COL9A3: variants seen among roughly 807,000 people sequenced by gnomAD.
COL9A3 encodes the protein collagen alpha-3(IX) chain.
In COL9A3, 82 loss-of-function variants were observed where a neutral mutation model predicts 110.2. The observed-to-expected ratio is 0.74, with a 90% CI of 0.62 to 0.89. COL9A3 has a LOEUF of 0.89. Among genes scored for constraint, COL9A3 ranks in the 40% least tolerant of loss-of-function variants. The pLI is 0.00. For synonymous variants in COL9A3, 494 were observed against 403.8 expected, an observed-to-expected ratio of 1.22 and a Z score of -2.68; for missense variants, 1,066 against 981.3, an observed-to-expected ratio of 1.09 and a Z score of -1.15.
At chr20:62,829,359 T>G in intron 19 of COL9A3, 96 bp from the exon 20 acceptor site, 1 of 1,526,702 alleles carries the variant, frequency 6.6e-7, no homozygotes. Flanking sequence ...GTGCACTCAC[T>G]CTGGCCCCTG....
At chr20:62,821,290 C>A in intron 6 of COL9A3, 74 bp downstream of exon 6, 1 of 1,503,238 alleles carries the variant, frequency 6.7e-7, no homozygotes, top group Non-Finnish European at 9.2e-7. Context: ...AATGGGGTGG[C>A]CTCCAGGAAT....
chr20:62,839,209 C>CG lies in COL9A3; in HGVS notation c.1864+449dup, dbSNP rs766471426. On this transcript the variant is annotated intron_variant, in intron 31 of 31. Coordinates refer to ENST00000649368, the MANE Select transcript of COL9A3 (RefSeq NM_001853.4). The stretch of plus-strand genomic sequence containing the variant: ...ATGGCGCCACTGCCTTCCAGCCTGG[C>CG]GACAGAGCGAGACTCCATCTCAAAA... 2.7e-5 allele frequency among the ~76,000 whole-genome samples: 4 copies of CG among 149,516 alleles called. No individual in the cohort carries two copies. The South Asian group carries it at 6.4e-4, about 24-fold the overall frequency.
At chr20:62,821,090 G>C in intron 5 of COL9A3, 91 bp from the exon 6 acceptor site, 1 of 1,319,220 alleles carries the variant, frequency 7.6e-7, no homozygotes, top group South Asian at 1.2e-5. Context: ...TGTCCTGGGA[G>C]TTGGAGTTGT....
chr20:62,819,386 G>A, intron 4 of COL9A3, 93 bp downstream of exon 4: 1 of 1,259,014 alleles, frequency 7.9e-7, no homozygotes, highest in South Asian at 1.3e-5. Context: ...AGCTGGGCCT[G>A]CTCAGGCGGG....
upstream of COL9A3, among the ~76,000 whole-genome samples, chr20:62,816,504 G>A (rs757967498): frequency 3.7e-4 from 56 of 152,216 alleles, no homozygotes; most frequent in Non-Finnish European, 7.9e-4. Flanking sequence ...CCGCGGTGGG[G>A]GTGCTCCCAG....
rs540227252 is a variant in COL9A3 at position 62,837,537 on chromosome 20, G to A, written c.1786+272G>A. ...TTAAAATGTGACGAAGGCTGGGCGC[G>A]GTGGCTCACGCCTGTAATCCCAACA... On this transcript the variant is annotated intron_variant, in intron 30 of 31. Coordinates refer to ENST00000649368, the MANE Select transcript of COL9A3 (RefSeq NM_001853.4). Among the ~76,000 whole-genome samples the A allele has an allele frequency of 6.3e-4, 96 of 152,326 alleles. 1 individual carries two copies. The highest frequency in any genetic ancestry group is 1.8e-3 in the African/African-American group (74 of 41,556).
intron 10 of COL9A3, among the ~76,000 whole-genome samples, chr20:62,823,573 G>A (rs2063527374): frequency 6.6e-6 from 1 of 152,222 alleles, no homozygotes; most frequent in African/African-American, 2.4e-5. Context: ...GAGGCTTTAG[G>A]GAACCTTCCA....
chr20:62,834,850 G>A (rs1407579945), intron 26 of COL9A3, among the ~76,000 whole-genome samples: 4 of 152,012 alleles, frequency 2.6e-5, no homozygotes, highest in African/African-American at 4.8e-5. Context: ...CATGTTGGCC[G>A]GGCTGGTCTC....
At chr20:62,833,666 G>A (rs1191435855) in intron 26 of COL9A3, among the ~76,000 whole-genome samples, 3 of 151,784 alleles carry the variant, frequency 2.0e-5, no homozygotes, top group African/African-American at 7.3e-5. Flanking sequence ...GTCTCTCAAA[G>A]TGCTGGGATT....
In COL9A3 at chr20:62,836,279, G is replaced by A; in HGVS notation, c.1494G>A (p.Leu498=). The part of the protein sequence containing the change: ...VQGVPGPPGP[L]GLQGVPGVPG... The stretch of plus-strand genomic sequence containing the variant: ...GTGTCCCCGGGCCCCCCGGTCCTCT[G>A]GGCCTGCAGGGCGTCCCGGGTGTTC... The change falls in exon 28 of 32, where the codon CTG becomes CTA. Residue 498 remains leucine (L), a synonymous_variant. Transcript: ENST00000649368. 6.2e-7 allele frequency: 1 copy of A among 1,613,846 alleles called. No individual in the cohort carries two copies. Among genetic ancestry groups the A allele is most frequent in the Non-Finnish European group, 8.5e-7 (1 of 1,180,012 alleles).
At position 62,841,023 on chromosome 20, in the gene COL9A3, G is replaced by GTAAC. The variant is rs919470078; in HGVS notation, c.*293_*296dup. ...AACTCCACGAGGTGAAAAATATTCA[G>GTAAC]TAACTTGTTTACATAGCATTTGTGT... On this transcript the variant is annotated 3_prime_UTR_variant, in exon 32 of 32. Coordinates refer to ENST00000649368, the MANE Select transcript of COL9A3 (RefSeq NM_001853.4). 9.7e-6 allele frequency: 4 copies of GTAAC among 410,686 alleles called. No individual in the cohort carries two copies. Among genetic ancestry groups the GTAAC allele is most frequent in the Non-Finnish European group, 1.8e-5 (4 of 222,948 alleles). 25.4% of individuals were successfully genotyped at this position (410,686 alleles called of 1,614,324 possible). A position where few individuals can be genotyped will look rare whatever the true frequency, so the allele number is the denominator to read the frequency against.
chr20:62,830,252 C>T, intron 22 of COL9A3, 108 bp from the exon 23 acceptor site: 1 of 1,322,512 alleles, frequency 7.6e-7, no homozygotes, highest in African/African-American at 1.5e-5. Flanking sequence ...TTAGAACCGG[C>T]TCCTGTGTCC....
In COL9A3 at chr20:62,826,205, G is replaced by C. The variant is rs1568754600; in HGVS notation, c.686G>C (p.Gly229Ala). Residue 229 changes from glycine (G) to alanine (A), a missense_variant and splice_region_variant, in exon 14 of 32, where the codon GGC becomes GCC. Gly to Ala is a moderately conservative substitution (Grantham distance 60). Transcript: ENST00000649368. ...TGCATCTGTGCCTCTCTCTCGCAGG[G>C]CCCCCGGGGATTACGAGGACTGCCA... Reference protein sequence around the residue: ...AGLPGSVGLQGPRGLRGLPGP... With the variant: ...AGLPGSVGLQAPRGLRGLPGP... The C allele has an allele frequency of 6.4e-7, 1 of 1,560,482 alleles. No homozygotes were observed. Among genetic ancestry groups the C allele is most frequent in the Admixed American group, 1.9e-5 (1 of 52,646 alleles).
rs1404334271 is a variant in COL9A3, at chr20:62,838,720, G to A, written c.1823G>A (p.Gly608Glu). ...QGDRGDKGAA[G>E]AGLDGPEGDQ... ...GACAGAGGAGACAAAGGCGCGGCAG[G>A]AGCAGGGCTGGACGGGCCTGAAGGA... The change falls in exon 31 of 32, where the codon GGA becomes GAA. Residue 608 changes from glycine to glutamate, a missense_variant. Gly to Glu is a moderately conservative substitution (Grantham distance 98). Coordinates refer to ENST00000649368, the MANE Select transcript of COL9A3 (RefSeq NM_001853.4). The A allele has an allele frequency of 6.4e-7, 1 of 1,552,708 alleles. No homozygotes were observed.
intron 11 of COL9A3, 111 bp downstream of exon 11, chr20:62,824,612 A>G: frequency 8.4e-7 from 1 of 1,186,632 alleles, no homozygotes; most frequent in Non-Finnish European, 1.2e-6. Flanking sequence ...CCCTGGTTCC[A>G]GGGTTGCCCC....
chr20:62,825,526 A>C, intron 12 of COL9A3: 1 of 543,046 alleles, frequency 1.8e-6, no homozygotes, highest in South Asian at 2.1e-5. Flanking sequence ...AGGAGACCCC[A>C]GGTGCACATC....
intron 22 of COL9A3, 67 bp from the exon 23 acceptor site, chr20:62,830,293 C>T (rs1337577426): frequency 6.5e-7 from 1 of 1,527,518 alleles, no homozygotes; most frequent in Admixed American, 2.0e-5. Context: ...GAGCCAGGCT[C>T]CCTGGGGCCT....
chr20:62,826,182 C>T (rs540877627), intron 13 of COL9A3, 22 bp from the exon 14 acceptor site: 3 of 1,554,694 alleles, frequency 1.9e-6, no homozygotes, highest in African/African-American at 1.4e-5. Context: ...CCAGCCTCTG[C>T]ATCTGTGCCT....
chr20:62,826,972 G>A (rs1050023075), intron 15 of COL9A3, 152 bp downstream of exon 15: 3 of 862,090 alleles, frequency 3.5e-6, no homozygotes, highest in Middle Eastern at 2.5e-4. Context: ...GCATGGGTAC[G>A]GGGGTGCTTA....
Sources: allele counts gnomAD v4.1 joint callset (sites outside exome capture counted in the v4.1 genomes callset), GRCh38; gene constraint gnomAD v4.1.1; transcripts MANE v1.5; gene names NCBI Gene and HGNC (gene_info 2026-07-23, HGNC 2026-07-21).